Variants in CCDC66 observed in about 807,000 individuals in gnomAD.
The protein encoded by CCDC66 is coiled-coil domain-containing protein 66.
Under a neutral mutation model 128.3 loss-of-function variants are expected in CCDC66, and 133 were observed. The observed-to-expected ratio is 1.04, with a 90% CI of 0.90 to 1.20. The LOEUF (loss-of-function observed/expected upper bound fraction) is 1.20. Ranked by LOEUF, CCDC66 falls within the 50% of genes most tolerant of loss-of-function variation. The pLI, the probability that CCDC66 is intolerant of heterozygous loss-of-function variation, is 0.00. For synonymous variants in CCDC66, 387 were observed against 357.0 expected (o/e 1.08, Z -0.95); for missense variants, 1,126 against 1,075.5 (o/e 1.05, Z -0.66).
rs115927493 is a variant in CCDC66, at chr3:56,594,996, G to A, written c.1404+968G>A. Among the ~76,000 whole-genome samples, 583 of 152,274 alleles carry A rather than the reference G, an allele frequency of 3.8e-3. 1 individual carries two copies. The highest frequency in any genetic ancestry group is 6.9e-3 in the Non-Finnish European group (471 of 68,012). On this transcript the variant is annotated intron_variant, in intron 10 of 17. Coordinates refer to ENST00000394672, the MANE Select transcript of CCDC66 (RefSeq NM_001141947.3). ...ATGTAGAACTTGACAGTACAAATGG[G>A]AGATGGGAGAAATGCATTGGAAATT...
chr3:56,618,340 G>C, intron 15 of CCDC66, 128 bp downstream of exon 15: 1 of 849,162 alleles, frequency 1.2e-6, no homozygotes, highest in Non-Finnish European at 1.9e-6. Flanking sequence ...TGGCTTCCAG[G>C]TGAGGGTTAG....
rs765183860 is a variant in CCDC66, at chr3:56,617,517, T to G, written c.2249T>G (p.Leu750Arg). The G allele has an allele frequency of 6.2e-7, 1 of 1,613,622 alleles. No individual in the cohort carries two copies. The highest frequency in any genetic ancestry group is 1.7e-5 in the Admixed American group (1 of 59,924). ...HLVEKNNPGH[L>R]SQNRGISPEI... Reference sequence around the variant, plus strand: ...GTAGAAAAAAATAATCCTGGGCACCTCTCTCAAAACAGAGGCATTTCACCA... The same window carrying G: ...GTAGAAAAAAATAATCCTGGGCACCGCTCTCAAAACAGAGGCATTTCACCA... The change falls in exon 14 of 18, where the codon CTC becomes CGC. Residue 750 changes from leucine (L) to arginine (R), a missense_variant. Transcript: ENST00000394672.
Position 56,621,628 on chromosome 3 carries a change from A to G in CCDC66, c.*10A>G. On this transcript the variant is annotated 3_prime_UTR_variant, in exon 18 of 18. Coordinates refer to ENST00000394672, the MANE Select transcript of CCDC66 (RefSeq NM_001141947.3). ...TGGTTCTTCATTTTAAATGTAGAAA[A>G]TCAAATCCTTCACATTTGATTTGTG... 1 of 1,570,960 alleles carries G rather than the reference A, an allele frequency of 6.4e-7. No individual in the cohort carries two copies. The highest frequency in any genetic ancestry group is 8.7e-7 in the Non-Finnish European group (1 of 1,149,528).
intron 10 of CCDC66, among the ~76,000 whole-genome samples, chr3:56,611,468 G>A (rs1244163317): frequency 7.0e-6 from 1 of 142,054 alleles, no homozygotes; most frequent in African/African-American, 2.6e-5. Context: ...TCCAGGTATA[G>A]GGCCCAGCTA....
chr3:56,562,938 C>T (rs2065296129), intron 3 of CCDC66, among the ~76,000 whole-genome samples: 4 of 151,914 alleles, frequency 2.6e-5, no homozygotes, highest in Admixed American at 6.6e-5. Flanking sequence ...TGAGCCATTG[C>T]ACCCTGGCCC....
rs1355327424 is a variant in CCDC66 at position 56,565,678 on chromosome 3, GTCGCCCAGGCTGGAGTCTCGCTGCA to G, written c.545-899_545-875del. ...GTTGCCCAGGCTGGAGTCTCGCTGC[GTCGCCCAGGCTGGAGTCTCGCTGCA>G]TCGCCCAGGCTGGAGTGCAGTGGTG... On this transcript the variant is annotated intron_variant, in intron 4 of 17. Coordinates refer to ENST00000394672, the MANE Select transcript of CCDC66 (RefSeq NM_001141947.3). Among the ~76,000 whole-genome samples the G allele has an allele frequency of 5.3e-5, 8 of 150,194 alleles. No homozygotes were observed. In the East Asian group the frequency reaches 6.0e-4, roughly 11 times the overall value.
intron 10 of CCDC66, among the ~76,000 whole-genome samples, chr3:56,608,590 C>CTTT: frequency 6.6e-6 from 1 of 152,024 alleles, no homozygotes; most frequent in Middle Eastern, 3.4e-3. Flanking sequence ...TTTCATTTGT[C>CTTT]GTTTGTTTCA....
At chr3:56,611,740 G>C (rs2074857702) in intron 10 of CCDC66, among the ~76,000 whole-genome samples, 1 of 152,148 alleles carries the variant, frequency 6.6e-6, no homozygotes, top group Non-Finnish European at 1.5e-5. Context: ...GATCCCACGA[G>C]CTCCCAGTGT....
At position 56,616,056 on chromosome 3, in the gene CCDC66, A is replaced by AT. The variant is rs1559771496; in HGVS notation, c.1843+6dup. The AT allele has an allele frequency of 8.9e-6, 14 of 1,578,644 alleles. 1 individual carries two copies. The South Asian group carries it at 1.6e-4, about 19-fold the overall frequency. ...GAAGGATACTGGTGTGCAAACAGGT[A>AT]TTTGTGTGGAAATTGTGGTTTGGTT... On this transcript the variant is annotated splice_donor_region_variant and intron_variant, in intron 13 of 17. Transcript: ENST00000394672.
At chr3:56,608,631 G>T (rs1344335743) in intron 10 of CCDC66, among the ~76,000 whole-genome samples, 2 of 151,864 alleles carry the variant, frequency 1.3e-5, no homozygotes, top group Non-Finnish European at 2.9e-5. Context: ...GATGTTGGTT[G>T]TTTCCTTTCT....
At chr3:56,558,149 C>G (rs1327161786) in intron 1 of CCDC66, among the ~76,000 whole-genome samples, 1 of 152,136 alleles carries the variant, frequency 6.6e-6, no homozygotes, top group African/African-American at 2.4e-5. Flanking sequence ...CTAATCAGAC[C>G]TTTCCCAGCC....
At chr3:56,572,173 A>C (rs1283121507) in intron 7 of CCDC66, among the ~76,000 whole-genome samples, 1 of 152,244 alleles carries the variant, frequency 6.6e-6, no homozygotes, top group Non-Finnish European at 1.5e-5. Flanking sequence ...TTTGAAATGA[A>C]TACAAAACTC....
chr3:56,595,593 G>A (rs1242350230), intron 10 of CCDC66, among the ~76,000 whole-genome samples: 1 of 152,048 alleles, frequency 6.6e-6, no homozygotes, highest in Non-Finnish European at 1.5e-5. Context: ...CTTTCTTTAT[G>A]GCCAAATAGT....
intron 7 of CCDC66, among the ~76,000 whole-genome samples, chr3:56,587,489 C>G (rs1372377547): frequency 6.7e-6 from 1 of 149,514 alleles, no homozygotes; most frequent in East Asian, 2.3e-4. Flanking sequence ...ATGGCAGAAA[C>G]AGGACCAAGA....
intron 10 of CCDC66, among the ~76,000 whole-genome samples, chr3:56,606,682 G>T (rs2074116703): frequency 6.6e-6 from 1 of 152,014 alleles, no homozygotes; most frequent in Admixed American, 6.6e-5. Flanking sequence ...CCCGCCTTCT[G>T]TGTCGATCTT....
chr3:56,567,052 A>G lies in CCDC66; in HGVS notation c.813A>G (p.Leu271=), dbSNP rs745404029. The change falls in exon 6 of 18, where the codon CTA becomes CTG. Residue 271 remains leucine (L), a splice_region_variant and synonymous_variant. Transcript: ENST00000394672. ...EAKKAQWRKE[L]DEQVALKKKE... is the part of the protein sequence containing the mutation. Reference sequence around the variant, plus strand: ...AAAAAGCCCAGTGGAGGAAAGAGCTAGGTAGGTAACTTTTATACCTTTATT... The same window carrying G: ...AAAAAGCCCAGTGGAGGAAAGAGCTGGGTAGGTAACTTTTATACCTTTATT... 2.5e-6 allele frequency: 4 copies of G among 1,609,182 alleles called. No individual in the cohort carries two copies. The highest frequency in any genetic ancestry group is 3.4e-6 in the Non-Finnish European group (4 of 1,175,682).
intron 13 of CCDC66, chr3:56,616,757 C>A: frequency 5.4e-6 from 1 of 184,154 alleles, no homozygotes. Context: ...ATTTTACATT[C>A]CCACCATCAG....
intron 7 of CCDC66, among the ~76,000 whole-genome samples, chr3:56,580,550 G>T (rs2068178514): frequency 6.6e-6 from 1 of 151,782 alleles, no homozygotes; most frequent in Non-Finnish European, 1.5e-5. Context: ...GCTGGTACCG[G>T]TTGTTCCTTT....
intron 7 of CCDC66, among the ~76,000 whole-genome samples, chr3:56,584,127 C>G (rs1180724530): frequency 6.8e-6 from 1 of 146,320 alleles, no homozygotes; most frequent in African/African-American, 2.5e-5. Flanking sequence ...CCACCTCCCT[C>G]CCGGACGGGG....
Sources: allele counts gnomAD v4.1 joint callset (sites outside exome capture counted in the v4.1 genomes callset), GRCh38; gene constraint gnomAD v4.1.1; transcripts MANE v1.5; gene names NCBI Gene and HGNC (gene_info 2026-07-23, HGNC 2026-07-21).